MAST3: variants seen among roughly 807,000 people sequenced by gnomAD.
MAST3 encodes microtubule-associated serine/threonine-protein kinase 3.
A neutral mutation model predicts 127.0 loss-of-function variants in MAST3; 43 were observed. The ratio of observed to expected loss-of-function variants is 0.34; its 90% CI spans 0.27 to 0.44. The LOEUF (loss-of-function observed/expected upper bound fraction) is 0.44, where lower values mean the gene tolerates loss of function less well. MAST3 is among the 20% of genes least tolerant of loss of function. The probability of loss-of-function intolerance (pLI) is 1.00; values close to 1 mark genes in which losing one functional copy is unlikely to be tolerated. For missense variants in MAST3, 1,390 were observed against 1,919.1 expected, an observed-to-expected ratio of 0.72 and a Z score of 5.15; for synonymous variants, 785 against 809.2, an observed-to-expected ratio of 0.97 and a Z score of 0.51.
intron 5 of MAST3, 63 bp downstream of exon 5, chr19:18,121,985 C>T (rs374571695): frequency 3.9e-5 from 62 of 1,587,798 alleles, no homozygotes; most frequent in Admixed American, 3.1e-4. Flanking sequence ...GGCAGGGGCA[C>T]GTGCTCGGTG....
intron 11 of MAST3, among the ~76,000 whole-genome samples, chr19:18,126,510 A>C (rs1388462963): frequency 2.6e-5 from 4 of 152,142 alleles, no homozygotes; most frequent in Non-Finnish European, 5.9e-5. Context: ...GGTAGCTCAC[A>C]CTTGTAATCC....
At chr19:18,132,175 C>A in intron 15 of MAST3, 128 bp downstream of exon 15, 1 of 1,296,386 alleles carries the variant, frequency 7.7e-7, no homozygotes, top group Non-Finnish European at 1.1e-6. Flanking sequence ...CCCCATCTGT[C>A]TGAGCTCTGT....
In MAST3 at chr19:18,121,706, G is replaced by A. The variant is rs749476554; in HGVS notation, c.183G>A (p.Lys61=). 31 of 1,613,812 alleles carry A rather than the reference G, an allele frequency of 1.9e-5. No homozygotes were observed. The highest frequency in any genetic ancestry group is 2.5e-5 in the Non-Finnish European group (30 of 1,179,888). The change falls in exon 4 of 28, where the codon AAG becomes AAA. Residue 61 remains lysine (K), a synonymous_variant. Coordinates refer to ENST00000687212, the MANE Select transcript of MAST3 (RefSeq NM_001393504.1). ...ACAGCTGCCGCAGCGGGAACCGCAA[G>A]AGCTTGGTGGTAGGAACGCCCTCCC... ...HPWSCRSGNR[K]SLVVGTPSPT...
chr19:18,148,322 T>G (rs1226772578), intron 27 of MAST3, among the ~76,000 whole-genome samples: 1 of 151,440 alleles, frequency 6.6e-6, no homozygotes, highest in Non-Finnish European at 1.5e-5. Flanking sequence ...ATTAGGTGGT[T>G]GTGGTGGTGC....
At chr19:18,139,168 C>T in intron 20 of MAST3, 44 bp downstream of exon 20, 1 of 1,347,320 alleles carries the variant, frequency 7.4e-7, no homozygotes, top group Non-Finnish European at 1.0e-6. Flanking sequence ...GAAAACATTG[C>T]ATGATGTCTG....
At chr19:18,143,190 C>G (rs1283175963) in intron 21 of MAST3, among the ~76,000 whole-genome samples, 1 of 152,030 alleles carries the variant, frequency 6.6e-6, no homozygotes, top group African/African-American at 2.4e-5. Flanking sequence ...TCTCGAACTC[C>G]TGGCCTCAAA....
chr19:18,103,661 C>T (rs1257237210), intron 1 of MAST3, among the ~76,000 whole-genome samples: 1 of 152,196 alleles, frequency 6.6e-6, no homozygotes, highest in Non-Finnish European at 1.5e-5. Flanking sequence ...TCCCCCAGCA[C>T]CAGGCTCTGA....
In MAST3 at chr19:18,145,689, G is replaced by A; in HGVS notation, c.3040-54G>A. The A allele has an allele frequency of 6.6e-7, 1 of 1,504,666 alleles. No individual in the cohort carries two copies. The highest frequency in any genetic ancestry group is 8.8e-7 in the Non-Finnish European group (1 of 1,131,274). 93.2% of individuals were successfully genotyped at this position (1,504,666 alleles called of 1,614,324 possible). ...CACAGCAGACCCAGCCTGGGCTGGG[G>A]TCCCCAGATGTGGGGCCCAGGCCAT... On this transcript the variant is annotated intron_variant, in intron 24 of 27. Coordinates refer to ENST00000687212, the MANE Select transcript of MAST3 (RefSeq NM_001393504.1). This position sits in a 1 kb window ranked among gnomAD's most constrained non-coding sequence, Gnocchi z 5.9.
At chr19:18,132,659 A>G (rs1317294019) in intron 15 of MAST3, among the ~76,000 whole-genome samples, 4 of 150,902 alleles carry the variant, frequency 2.7e-5, no homozygotes, top group African/African-American at 9.8e-5. Context: ...CTGCTTTGAA[A>G]CCCCTGTATT....
rs904799125 is a variant in MAST3, at chr19:18,112,775, AT to A, written c.161+2042del. ...CGTGAGCCACTGCACCCCGCCTGAG[AT>A]TTTTTTTAAGCCTCTGTGTCTGCCT... On this transcript the variant is annotated intron_variant, in intron 3 of 27. Transcript: ENST00000687212. The surrounding 1 kb of genome is among the most constrained non-coding windows in gnomAD (Gnocchi z 4.1). Among the ~76,000 whole-genome samples, 1 of 152,004 alleles carries A rather than the reference AT, an allele frequency of 6.6e-6. No individual in the cohort carries two copies. Among genetic ancestry groups the A allele is most frequent in the Admixed American group, 6.6e-5 (1 of 15,264 alleles).
At chr19:18,148,059 T>C (rs1234131637) in intron 27 of MAST3, among the ~76,000 whole-genome samples, 1 of 151,942 alleles carries the variant, frequency 6.6e-6, no homozygotes, top group Non-Finnish European at 1.5e-5. Context: ...CCCAGCACTT[T>C]GGGAGGCCGA....
Position 18,144,092 on chromosome 19 carries a change from T to A in MAST3, c.2584+85T>A. On this transcript the variant is annotated intron_variant, in intron 22 of 27. Transcript: ENST00000687212. The surrounding 1 kb of genome is among the most constrained non-coding windows in gnomAD (Gnocchi z 4.0). Reference sequence around the variant, plus strand: ...TTTGAGATGGGTTTTCAAGGATGAGTAGGAGTTCTCCAGAGCCAACAAAGG... The same window carrying A: ...TTTGAGATGGGTTTTCAAGGATGAGAAGGAGTTCTCCAGAGCCAACAAAGG... 1 of 1,488,982 alleles carries A rather than the reference T, an allele frequency of 6.7e-7. No homozygotes were observed. Among genetic ancestry groups the A allele is most frequent in the Non-Finnish European group, 8.9e-7 (1 of 1,117,598 alleles). The allele number at this position is 1,488,982 out of a possible 1,614,324, so 92.2% of individuals were successfully genotyped here.
chr19:18,127,743 C>T (rs1599779240), intron 11 of MAST3, among the ~76,000 whole-genome samples: 2 of 152,054 alleles, frequency 1.3e-5, no homozygotes, highest in South Asian at 2.1e-4. Flanking sequence ...CCTGTAATCC[C>T]GTCTACTTGG....
chr19:18,145,893 G>T lies in MAST3; in HGVS notation c.3162+28G>T. 6.4e-7 allele frequency: 1 copy of T among 1,561,524 alleles called. No homozygotes were observed. Among genetic ancestry groups the T allele is most frequent in the East Asian group, 2.5e-5 (1 of 40,690 alleles). ...GCGGCACCCCCACTGCCCACCCTCA[G>T]GGCTCCCCAGCACCCCTTGGCCGCA... On this transcript the variant is annotated intron_variant, in intron 25 of 27. Coordinates refer to ENST00000687212, the MANE Select transcript of MAST3 (RefSeq NM_001393504.1). This position sits in a 1 kb window ranked among gnomAD's most constrained non-coding sequence, Gnocchi z 5.9.
chr19:18,113,634 G>A (rs765658340), intron 3 of MAST3, among the ~76,000 whole-genome samples: 9 of 152,220 alleles, frequency 5.9e-5, no homozygotes, highest in Non-Finnish European at 1.0e-4. Flanking sequence ...CTAATTTTTT[G>A]TATTTTTAGT....
rs1236496562 is a variant in MAST3, at chr19:18,124,155, G to C, written c.843+7G>C. 6.2e-7 allele frequency: 1 copy of C among 1,606,128 alleles called. No individual in the cohort carries two copies. The highest frequency in any genetic ancestry group is 8.5e-7 in the Non-Finnish European group (1 of 1,176,600). On this transcript the variant is annotated splice_region_variant and intron_variant, in intron 9 of 27. Transcript: ENST00000687212. ...GGAGCGGCTTCTGCAGGATGTGCGTGGTTTTTCGCATGTTGAGGTTTTGCA... is the reference window on the plus strand; with the variant it reads ...GGAGCGGCTTCTGCAGGATGTGCGTCGTTTTTCGCATGTTGAGGTTTTGCA...
At chr19:18,109,997 C>A (rs2038398532) in intron 2 of MAST3, 1 of 985,228 alleles carries the variant, frequency 1.0e-6, no homozygotes, top group Admixed American at 6.1e-5. Flanking sequence ...CCTTCCGGGG[C>A]GCAGCTCGGG....
chr19:18,150,446 T>C lies in MAST3; in HGVS notation c.*720T>C, dbSNP rs1370559529. ...TCATCTGTGTTTGTGTTTTCCAGTT[T>C]TTCTGTACTTTTTAAGTGTTTTGTG... On this transcript the variant is annotated 3_prime_UTR_variant, in exon 28 of 28. Coordinates refer to ENST00000687212, the MANE Select transcript of MAST3 (RefSeq NM_001393504.1). 6.6e-6 allele frequency: 1 copy of C among 152,270 alleles called. No homozygotes were observed. The highest frequency in any genetic ancestry group is 2.4e-5 in the African/African-American group (1 of 41,444). 9.4% of individuals were successfully genotyped at this position (152,270 alleles called of 1,614,324 possible). A position where few individuals can be genotyped will look rare whatever the true frequency, so the allele number is the denominator to read the frequency against.
At chr19:18,102,215 T>G (rs1357907000) in intron 1 of MAST3, among the ~76,000 whole-genome samples, 2 of 143,234 alleles carry the variant, frequency 1.4e-5, no homozygotes, top group Non-Finnish European at 3.0e-5. Context: ...TCTTTCGCTC[T>G]TCTTGCCCAG....
Sources: gnomAD v4.1 joint callset for allele counts (sites outside exome capture counted in the v4.1 genomes callset) on GRCh38, gnomAD v4.1.1 for gene constraint, Gnocchi (gnomAD v3.1) non-coding constraint, MANE v1.5 for transcripts, NCBI Gene and HGNC (gene_info 2026-07-23, HGNC 2026-07-21) for gene names.